Variants in AUTS2 observed in about 807,000 individuals in gnomAD.
AUTS2 encodes autism susceptibility gene 2 protein.
AUTS2 carries 17 observed loss-of-function variants against 112.4 expected under a neutral mutation model. That is an observed-to-expected ratio of 0.15 (90% CI 0.10 to 0.23). AUTS2 has a LOEUF of 0.23. Among genes scored for constraint, AUTS2 ranks in the 10% least tolerant of loss-of-function variants. AUTS2 has a pLI of 1.00. For synonymous variants in AUTS2, 751 were observed against 702.7 expected (o/e 1.07, Z -1.09); for missense variants, 1,510 against 1,701.6 (o/e 0.89, Z 1.98).
rs1284239237 is a variant in AUTS2 at position 70,790,163 on chromosome 7, A to G, written c.2947A>G (p.Lys983Glu). The G allele has an allele frequency of 1.2e-6, 2 of 1,611,870 alleles. No individual in the cohort carries two copies. ...NPKKSSEVKV[K>E]EERKEDHDLP... is the part of the protein sequence containing the mutation. Reference sequence around the variant, plus strand: ...CAAGAAGAGCTCCGAGGTCAAGGTGAAGGAGGAGCGGAAGGAAGACCATGA... The same window carrying G: ...CAAGAAGAGCTCCGAGGTCAAGGTGGAGGAGGAGCGGAAGGAAGACCATGA... Residue 983 changes from lysine to glutamate, a missense_variant, in exon 19 of 19, where the codon AAG becomes GAG. By Grantham distance (56) the Lys-to-Glu change is moderately conservative (BLOSUM62 1). Transcript: ENST00000342771. The surrounding 1 kb of genome is among the most constrained non-coding windows in gnomAD (Gnocchi z 7.6).
intron 1 of AUTS2, among the ~76,000 whole-genome samples, chr7:69,898,014 A>C (rs756814285): frequency 2.6e-5 from 4 of 152,202 alleles, no homozygotes; most frequent in Non-Finnish European, 5.9e-5. Flanking sequence ...GTACATTTAG[A>C]TAGTAAAAAA....
At chr7:70,328,391 A>AT (rs1039192042) in intron 4 of AUTS2, among the ~76,000 whole-genome samples, 23 of 149,836 alleles carry the variant, frequency 1.5e-4, no homozygotes, top group East Asian at 7.9e-4. Context: ...CTGGTTTATT[A>AT]TTTTTTTTTT....
intron 5 of AUTS2, among the ~76,000 whole-genome samples, chr7:70,500,063 G>C (rs1798710512): frequency 6.6e-6 from 1 of 151,722 alleles, no homozygotes; most frequent in Non-Finnish European, 1.5e-5. Context: ...TTACAGTATT[G>C]CCCAAGAGGT....
intron 1 of AUTS2, among the ~76,000 whole-genome samples, chr7:69,878,452 T>C: frequency 6.6e-6 from 1 of 152,154 alleles, no homozygotes; most frequent in Non-Finnish European, 1.5e-5. Flanking sequence ...AAGCTAATCT[T>C]TGAGGAGGTG....
At chr7:70,754,825 A>C (rs1342484652) in intron 6 of AUTS2, among the ~76,000 whole-genome samples, 1 of 152,152 alleles carries the variant, frequency 6.6e-6, no homozygotes, top group African/African-American at 2.4e-5. Flanking sequence ...GGATGGATGG[A>C]TGTTCTAGGA....
At chr7:69,839,578 G>A (rs1791880635) in intron 1 of AUTS2, among the ~76,000 whole-genome samples, 1 of 152,118 alleles carries the variant, frequency 6.6e-6, no homozygotes. Context: ...TTATAAACAA[G>A]ACATTAATCT....
intron 4 of AUTS2, among the ~76,000 whole-genome samples, chr7:70,361,713 A>C (rs182652875): frequency 6.6e-6 from 1 of 152,290 alleles, no homozygotes; most frequent in East Asian, 1.9e-4. Flanking sequence ...AAGATGTTGA[A>C]TTGAGCCAAT....
chr7:70,635,918 C>A (rs1201915591), intron 5 of AUTS2, among the ~76,000 whole-genome samples: 1 of 152,176 alleles, frequency 6.6e-6, no homozygotes, highest in Non-Finnish European at 1.5e-5. Flanking sequence ...CTGGAAATGA[C>A]ATCCAAGAGG....
intron 5 of AUTS2, among the ~76,000 whole-genome samples, chr7:70,455,548 C>G (rs1373150640): frequency 1.3e-5 from 2 of 152,122 alleles, no homozygotes; most frequent in Non-Finnish European, 1.5e-5. Context: ...GAGGTGGTTC[C>G]CTACCTGGCT....
chr7:70,367,897 A>C (rs1348997591), intron 4 of AUTS2, among the ~76,000 whole-genome samples: 1 of 152,234 alleles, frequency 6.6e-6, no homozygotes, highest in Admixed American at 6.5e-5. Flanking sequence ...GGTTAGAATC[A>C]TTCGAAAAGA....
intron 6 of AUTS2, among the ~76,000 whole-genome samples, chr7:70,725,521 T>G (rs1406929873): frequency 6.6e-6 from 1 of 152,202 alleles, no homozygotes; most frequent in Non-Finnish European, 1.5e-5. Flanking sequence ...TACTTTCATT[T>G]TTGCAACTGC....
intron 1 of AUTS2, among the ~76,000 whole-genome samples, chr7:69,890,399 T>C (rs1794469147): frequency 6.6e-6 from 1 of 152,216 alleles, no homozygotes; most frequent in Non-Finnish European, 1.5e-5. Flanking sequence ...GTGCCTTTTA[T>C]ATGTTGAATT....
chr7:70,616,437 C>T (rs1804369670), intron 5 of AUTS2, among the ~76,000 whole-genome samples: 1 of 152,206 alleles, frequency 6.6e-6, no homozygotes. Flanking sequence ...TACCATTCGG[C>T]TTTAACAGCT....
intron 1 of AUTS2, among the ~76,000 whole-genome samples, chr7:69,665,298 A>G (rs912932826): frequency 6.6e-6 from 1 of 152,174 alleles, no homozygotes; most frequent in Non-Finnish European, 1.5e-5. Context: ...TTTGAACCCC[A>G]TAGAAGGATA....
intron 2 of AUTS2, among the ~76,000 whole-genome samples, chr7:69,906,846 C>T (rs975213686): frequency 6.6e-6 from 1 of 152,144 alleles, no homozygotes; most frequent in Non-Finnish European, 1.5e-5. Flanking sequence ...GTGGTTCACG[C>T]CTGTAATCTC....
chr7:70,748,064 G>A (rs1439489572), intron 6 of AUTS2, among the ~76,000 whole-genome samples: 9 of 143,510 alleles, frequency 6.3e-5, no homozygotes, highest in African/African-American at 2.4e-4. Context: ...TCCTGACCTC[G>A]TGATCCGCCC....
At chr7:69,872,999 C>T (rs1282578353) in intron 1 of AUTS2, among the ~76,000 whole-genome samples, 3 of 141,218 alleles carry the variant, frequency 2.1e-5, no homozygotes, top group African/African-American at 7.4e-5. Flanking sequence ...CGCACCATCA[C>T]ACCCAGATAA....
intron 2 of AUTS2, among the ~76,000 whole-genome samples, chr7:69,902,675 T>A (rs771695360): frequency 1.2e-4 from 18 of 152,180 alleles, no homozygotes; most frequent in Non-Finnish European, 2.5e-4. Flanking sequence ...AGGCAACTGA[T>A]CTTTTTACTC....
intron 4 of AUTS2, among the ~76,000 whole-genome samples, chr7:70,431,392 TTTTG>T (rs1405744330): frequency 5.3e-5 from 8 of 152,276 alleles, no homozygotes; most frequent in Middle Eastern, 3.4e-3. Context: ...AATATGTTTT[TTTTG>T]TTTGTTTGTT....
Sources: allele counts gnomAD v4.1 joint callset (sites outside exome capture counted in the v4.1 genomes callset), GRCh38; gene constraint gnomAD v4.1.1; non-coding constraint Gnocchi (gnomAD v3.1); transcripts MANE v1.5; gene names NCBI Gene and HGNC (gene_info 2026-07-23, HGNC 2026-07-21).